The following DLG2 variants were observed in gnomAD, a reference collection of about 807,000 sequenced individuals.
DLG2 encodes discs large MAGUK scaffold protein 2.
A neutral mutation model predicts 132.5 loss-of-function variants in DLG2; 45 were observed. The ratio of observed to expected loss-of-function variants is 0.34; its 90% CI spans 0.27 to 0.44. DLG2 has a LOEUF of 0.44. Among genes scored for constraint, DLG2 ranks in the 20% least tolerant of loss-of-function variants. DLG2 has a pLI of 1.00. For synonymous variants in DLG2, 424 were observed against 419.6 expected (o/e 1.01, Z -0.13); for missense variants, 1,045 against 1,196.9 (o/e 0.87, Z 1.87).
chr11:85,502,528 T>C (rs1048296212), intron 3 of DLG2, among the ~76,000 whole-genome samples: 16 of 152,100 alleles, frequency 1.1e-4, no homozygotes, highest in Non-Finnish European at 1.6e-4. Context: ...GAAGCCATCA[T>C]TCTCAGCAAA....
intron 16 of DLG2, among the ~76,000 whole-genome samples, chr11:83,848,339 T>C (rs2059039198): frequency 6.6e-6 from 1 of 152,210 alleles, no homozygotes; most frequent in African/African-American, 2.4e-5. Flanking sequence ...AATAAATTAA[T>C]AAATAGGTGG....
chr11:84,763,042 C>T (rs2067864093), intron 6 of DLG2, among the ~76,000 whole-genome samples: 1 of 152,152 alleles, frequency 6.6e-6, no homozygotes, highest in Non-Finnish European at 1.5e-5. Flanking sequence ...AATATTCTCC[C>T]CATTATGACT....
At position 85,253,081 on chromosome 11, in the gene DLG2, G is replaced by A. The variant is rs7928064; in HGVS notation, c.186+32139C>T. On this transcript the variant is annotated intron_variant, in intron 4 of 27. Transcript: ENST00000376104. ...CTCATAATTACTTCCTATCTCTGAGGATGTATTTAGTTTCTCTTGTTCTGA... is the reference window on the plus strand; with the variant it reads ...CTCATAATTACTTCCTATCTCTGAGAATGTATTTAGTTTCTCTTGTTCTGA... 9.6e-3 allele frequency among the ~76,000 whole-genome samples: 1,456 copies of A among 152,114 alleles called. 20 individuals carry two copies. The highest frequency in any genetic ancestry group is 0.032 in the African/African-American group (1,317 of 41,504).
At chr11:85,558,257 C>G (rs928662892) in intron 3 of DLG2, among the ~76,000 whole-genome samples, 1 of 151,760 alleles carries the variant, frequency 6.6e-6, no homozygotes, top group African/African-American at 2.4e-5. Flanking sequence ...AATGAGATGC[C>G]ATCTCACACT....
chr11:83,465,397 C>A (rs1173163399), intron 26 of DLG2, among the ~76,000 whole-genome samples: 1 of 152,270 alleles, frequency 6.6e-6, no homozygotes, highest in East Asian at 1.9e-4. Context: ...ATTGCTTTCA[C>A]CACTGGGATT....
At chr11:84,635,325 T>C (rs960325289) in intron 6 of DLG2, among the ~76,000 whole-genome samples, 2 of 152,142 alleles carry the variant, frequency 1.3e-5, no homozygotes, top group Non-Finnish European at 2.9e-5. Context: ...GGGCCAATAC[T>C]GATGCCCATT....
intron 3 of DLG2, among the ~76,000 whole-genome samples, chr11:85,407,668 C>T (rs953988161): frequency 3.3e-5 from 5 of 151,692 alleles, no homozygotes; most frequent in Admixed American, 2.0e-4. Flanking sequence ...TGTTACCACA[C>T]CAACTACTGC....
intron 9 of DLG2, among the ~76,000 whole-genome samples, chr11:84,125,212 T>C (rs1212804065): frequency 6.6e-6 from 1 of 152,116 alleles, no homozygotes; most frequent in Non-Finnish European, 1.5e-5. Context: ...CGTGCTAAAT[T>C]CCAGTATAGT....
At chr11:84,759,999 G>A (rs1328455750) in intron 6 of DLG2, among the ~76,000 whole-genome samples, 2 of 152,080 alleles carry the variant, frequency 1.3e-5, no homozygotes, top group Admixed American at 6.6e-5. Context: ...CTCTTTACAC[G>A]AAGGAAGAAT....
intron 22 of DLG2, among the ~76,000 whole-genome samples, chr11:83,478,040 G>A: frequency 6.6e-6 from 1 of 152,018 alleles, no homozygotes; most frequent in East Asian, 1.9e-4. Flanking sequence ...CTTAGTACCT[G>A]TCACACTTTG....
At chr11:84,350,102 C>T (rs1355572377) in intron 7 of DLG2, among the ~76,000 whole-genome samples, 2 of 148,542 alleles carry the variant, frequency 1.3e-5, no homozygotes, top group African/African-American at 5.0e-5. Context: ...GGCGTGAACC[C>T]GGGAGGCGGA....
intron 9 of DLG2, among the ~76,000 whole-genome samples, chr11:84,149,424 C>A (rs2095215719): frequency 6.6e-6 from 1 of 152,108 alleles, no homozygotes. Flanking sequence ...CAGTTTCATT[C>A]TTCTACATAT....
At chr11:84,164,926 G>C (rs2095627747) in intron 8 of DLG2, among the ~76,000 whole-genome samples, 1 of 152,090 alleles carries the variant, frequency 6.6e-6, no homozygotes, top group South Asian at 2.1e-4. Context: ...TCACAGAAAA[G>C]GACTTGATGA....
chr11:83,520,507 A>G (rs117916311), intron 21 of DLG2, among the ~76,000 whole-genome samples: 35 of 152,302 alleles, frequency 2.3e-4, no homozygotes, highest in Non-Finnish European at 4.9e-4. Flanking sequence ...ATGCTTTCAC[A>G]TTAGGTGGCA....
At chr11:83,993,878 T>TA (rs1844824324) in intron 11 of DLG2, among the ~76,000 whole-genome samples, 1 of 152,112 alleles carries the variant, frequency 6.6e-6, no homozygotes, top group African/African-American at 2.4e-5. Flanking sequence ...TTAAAAGATG[T>TA]AAAAATCATC....
At chr11:83,504,778 A>G (rs2094607532) in intron 21 of DLG2, among the ~76,000 whole-genome samples, 1 of 152,096 alleles carries the variant, frequency 6.6e-6, no homozygotes, top group Admixed American at 6.6e-5. Context: ...AATCCTGGCT[A>G]TGGGAGAAAC....
At chr11:85,073,170 A>G (rs562021779) in intron 6 of DLG2, among the ~76,000 whole-genome samples, 6 of 151,994 alleles carry the variant, frequency 3.9e-5, no homozygotes, top group African/African-American at 1.2e-4. Flanking sequence ...AAACTGATAT[A>G]TTCATACAGA....
chr11:83,772,571 A>G (rs1594093862), intron 18 of DLG2, among the ~76,000 whole-genome samples: 1 of 151,850 alleles, frequency 6.6e-6, no homozygotes, highest in East Asian at 1.9e-4. Context: ...AGAAAGAAAC[A>G]GAGAAAGAAA....
chr11:83,672,916 G>T (rs921757563), intron 18 of DLG2, among the ~76,000 whole-genome samples: 3 of 152,136 alleles, frequency 2.0e-5, no homozygotes, highest in Non-Finnish European at 4.4e-5. Context: ...AAAAAAATTA[G>T]CTGGATGTAG....
Sources: gnomAD v4.1 joint callset for allele counts (sites outside exome capture counted in the v4.1 genomes callset) on GRCh38, gnomAD v4.1.1 for gene constraint, MANE v1.5 for transcripts, NCBI Gene and HGNC (gene_info 2026-07-23, HGNC 2026-07-21) for gene names.